The following ZNF449 variants were observed in gnomAD, a reference collection of about 807,000 sequenced individuals.
ZNF449 encodes zinc finger protein 449.
A neutral mutation model predicts 32.6 loss-of-function variants in ZNF449; 4 were observed. That is an observed-to-expected ratio of 0.12 (90% CI 0.06 to 0.28). The LOEUF (loss-of-function observed/expected upper bound fraction) is 0.28. ZNF449 is among the 10% of genes least tolerant of loss of function. ZNF449 has a pLI of 1.00. For synonymous variants in ZNF449, 123 were observed against 132.2 expected, an observed-to-expected ratio of 0.93 and a Z score of 0.48; for missense variants, 275 against 383.2, an observed-to-expected ratio of 0.72 and a Z score of 2.36.
At chrX:135,348,237 A>G (rs1464129632) in intron 2 of ZNF449, 2 of 125,268 alleles carry the variant, frequency 1.6e-5, no homozygotes, top group Non-Finnish European at 3.7e-5. Context: ...GTGCATTCCT[A>G]GAAAATTTCA....
intron 3 of ZNF449, among the ~76,000 whole-genome samples, chrX:135,358,140 G>A (rs1556452472): frequency 9.1e-6 from 1 of 109,790 alleles, no homozygotes; most frequent in Non-Finnish European, 1.9e-5. Context: ...TATTTCTTTA[G>A]TGGTTGCTCT....
Position 135,359,397 on chromosome X carries a change from C to T in ZNF449, c.560-495C>T, listed in dbSNP as rs148436481. On this transcript the variant is annotated intron_variant, in intron 3 of 4. Transcript: ENST00000339249. Reference sequence around the variant, plus strand: ...AAGAGAATCCACTTTTAGACTTCAGCGGAAACCAACATAAATGCTGCTTTT... The same window carrying T: ...AAGAGAATCCACTTTTAGACTTCAGTGGAAACCAACATAAATGCTGCTTTT... Among the ~76,000 whole-genome samples, 622 of 111,578 alleles carry T rather than the reference C, an allele frequency of 5.6e-3. 3 individuals carry two copies. The highest frequency in any genetic ancestry group is 0.019 in the African/African-American group (579 of 30,742).
chrX:135,345,136 T>C (rs1419796359), intron 1 of ZNF449, among the ~76,000 whole-genome samples: 1 of 112,961 alleles, frequency 8.9e-6, no homozygotes, highest in Non-Finnish European at 1.9e-5. Flanking sequence ...GCATCCGAAT[T>C]TGAATCAGCT....
Position 135,360,847 on chromosome X carries a change from G to C in ZNF449, c.1328G>C (p.Ser443Thr). 1 of 1,211,019 alleles carries C rather than the reference G, an allele frequency of 8.3e-7. No individual in the cohort carries two copies. The highest frequency in any genetic ancestry group is 1.8e-5 in the South Asian group (1 of 56,842). ...CATAGATGTCATAATTGTGGGAAAA[G>C]TTTTAGTCGACTGACAGCTCTTACT... Reference protein sequence around the residue: ...KPHRCHNCGKSFSRLTALTLH... With the variant: ...KPHRCHNCGKTFSRLTALTLH... Residue 443 changes from serine to threonine, a missense_variant, in exon 5 of 5, where the codon AGT becomes ACT. This residue lies in a region of ZNF449 where 80 missense variants were observed against 146.6 expected (regional missense o/e 0.55). Transcript: ENST00000339249.
chrX:135,359,819 A>C, intron 3 of ZNF449, 73 bp from the exon 4 acceptor site: 1 of 621,938 alleles, frequency 1.6e-6, no homozygotes, highest in Non-Finnish European at 2.6e-6. Context: ...TATCTGTCCA[A>C]GAAATCAGCC....
rs1027080726 is a variant in ZNF449 at position 135,355,190 on chromosome X, T to A, written c.560-4702T>A. Reference sequence around the variant, plus strand: ...ATTTTTTTCCACTAACTTTTAAAAATTTTTTTTTTAATTTTTGTGGGTACA... The same window carrying A: ...ATTTTTTTCCACTAACTTTTAAAAAATTTTTTTTTAATTTTTGTGGGTACA... On this transcript the variant is annotated intron_variant, in intron 3 of 4. Transcript: ENST00000339249. Among the ~76,000 whole-genome samples, 15 of 108,189 alleles carry A rather than the reference T, an allele frequency of 1.4e-4. 1 individual carries two copies. The highest frequency in any genetic ancestry group is 8.7e-4 in the East Asian group (3 of 3,443). The allele number at this position is 108,189 out of a possible 115,157, so 93.9% of individuals were successfully genotyped here.
chrX:135,351,675 A>C (rs1288634636), intron 3 of ZNF449, among the ~76,000 whole-genome samples: 2 of 108,788 alleles, frequency 1.8e-5, no homozygotes, highest in South Asian at 7.8e-4. Context: ...AAAAAAAAAA[A>C]AAAAAAAAAA....
At chrX:135,358,137 T>G (rs1289310357) in intron 3 of ZNF449, among the ~76,000 whole-genome samples, 2 of 111,336 alleles carry the variant, frequency 1.8e-5, no homozygotes, top group Non-Finnish European at 3.8e-5. Flanking sequence ...TTTTATTTCT[T>G]TAGTGGTTGC....
Position 135,360,896 on chromosome X carries a change from A to G in ZNF449, c.1377A>G (p.Glu459=), listed in dbSNP as rs782411650. 31 of 1,210,982 alleles carry G rather than the reference A, an allele frequency of 2.6e-5. No homozygotes were observed. The highest frequency in any genetic ancestry group is 3.5e-5 in the Non-Finnish European group (31 of 895,198). ...CTTTGCACCAGAGAACGCATACTGA[A>G]GAGAGACCTTTTAAATGTAATTATT... ...ALTLHQRTHT[E]ERPFKCNYCG... The change falls in exon 5 of 5, where the codon GAA becomes GAG. Residue 459 remains glutamate (E), a synonymous_variant. Coordinates refer to ENST00000339249, the MANE Select transcript of ZNF449 (RefSeq NM_152695.6).
chrX:135,362,146 T>C lies in ZNF449; in HGVS notation c.*1070T>C, dbSNP rs1352185468. ...CAAGCCTAGTTATCTCCAGTTGTTT[T>C]AAGGGTGTTATGAAAAATTCTTAAA... is the stretch of plus-strand genomic sequence containing the variant. On this transcript the variant is annotated 3_prime_UTR_variant, in exon 5 of 5. Transcript: ENST00000339249. 1 of 111,894 alleles carries C rather than the reference T, an allele frequency of 8.9e-6. No individual in the cohort carries two copies. The highest frequency in any genetic ancestry group is 1.9e-5 in the Non-Finnish European group (1 of 53,092). 9.2% of individuals were successfully genotyped at this position (111,894 alleles called of 1,213,427 possible).
At chrX:135,355,982 G>A (rs1337191789) in intron 3 of ZNF449, among the ~76,000 whole-genome samples, 1 of 112,007 alleles carries the variant, frequency 8.9e-6, no homozygotes, top group Non-Finnish European at 1.9e-5. Flanking sequence ...CAACTATGTT[G>A]TAACATGTAT....
At chrX:135,359,166 A>C (rs2084932511) in intron 3 of ZNF449, among the ~76,000 whole-genome samples, 1 of 111,559 alleles carries the variant, frequency 9.0e-6, no homozygotes, top group South Asian at 3.7e-4. Context: ...AAACTTGATC[A>C]GAGATAAAGG....
intron 3 of ZNF449, among the ~76,000 whole-genome samples, chrX:135,350,756 G>T (rs2084881742): frequency 9.0e-6 from 1 of 111,534 alleles, no homozygotes; most frequent in Admixed American, 9.5e-5. Context: ...ACAGTAAATG[G>T]TATGTTGGGA....
At chrX:135,349,042 T>C in intron 2 of ZNF449, 68 bp from the exon 3 acceptor site, 3 of 1,131,166 alleles carry the variant, frequency 2.7e-6, no homozygotes, top group Non-Finnish European at 3.6e-6. Context: ...ACATGCATGA[T>C]TCTCATACAA....
At chrX:135,349,421 C>T in intron 3 of ZNF449, 107 bp downstream of exon 3, 2 of 756,176 alleles carry the variant, frequency 2.6e-6, no homozygotes, top group Non-Finnish European at 3.8e-6. Flanking sequence ...GGAAATTGAC[C>T]ACTCAGATAA....
At chrX:135,359,632 G>C (rs1556452809) in intron 3 of ZNF449, among the ~76,000 whole-genome samples, 2 of 111,650 alleles carry the variant, frequency 1.8e-5, no homozygotes, top group African/African-American at 6.5e-5. Flanking sequence ...ATGCTGAAAT[G>C]ATTTAGTGCA....
At chrX:135,351,817 G>A in intron 3 of ZNF449, among the ~76,000 whole-genome samples, 1 of 111,048 alleles carries the variant, frequency 9.0e-6, no homozygotes, top group Non-Finnish European at 1.9e-5. Context: ...AACACTGCAG[G>A]TACAAATACC....
chrX:135,360,342 A>C lies in ZNF449; in HGVS notation c.823A>C (p.Thr275Pro), dbSNP rs949375817. ...TGTACAGTTAGAAAATCAATGGGAAACCCCCCCAGAGGATTTACAGACAGA... is the reference window on the plus strand; with the variant it reads ...TGTACAGTTAGAAAATCAATGGGAACCCCCCCCAGAGGATTTACAGACAGA... The part of the protein sequence containing the change: ...DYVQLENQWE[T>P]PPEDLQTDLA... The change falls in exon 5 of 5, where the codon ACC (threonine) becomes CCC (proline). Residue 275 changes from threonine to proline, a missense_variant. Around this residue, in one of 3 missense-constraint regions of ZNF449, gnomAD observed 165 missense variants for 175.0 expected, o/e 0.94. Transcript: ENST00000339249. The C allele has an allele frequency of 1.5e-5, 18 of 1,210,689 alleles. No individual in the cohort carries two copies. Among genetic ancestry groups the C allele is most frequent in the Non-Finnish European group, 1.9e-5 (17 of 895,124 alleles).
chrX:135,354,269 A>G (rs1413618410), intron 3 of ZNF449, among the ~76,000 whole-genome samples: 16 of 112,301 alleles, frequency 1.4e-4, no homozygotes, highest in East Asian at 8.4e-4. Context: ...TGTTCTCGCT[A>G]TGTTGGCCAA....
Sources: gnomAD v4.1 joint callset for allele counts (sites outside exome capture counted in the v4.1 genomes callset) on GRCh38, gnomAD v4.1.1 for gene constraint, gnomAD v4.1.1 regional missense constraint, MANE v1.5 for transcripts, NCBI Gene and HGNC (gene_info 2026-07-23, HGNC 2026-07-21) for gene names.